The following USP9Y variants were observed in gnomAD, a reference collection of about 807,000 sequenced individuals.
USP9Y encodes the protein ubiquitin specific peptidase 9 Y-linked.
In USP9Y, 41 loss-of-function variants were observed where a neutral mutation model predicts 53.1. That is an observed-to-expected ratio of 0.77 (90% confidence interval 0.60 to 1.00). The LOEUF (loss-of-function observed/expected upper bound fraction) is 1.00, where lower values mean the gene tolerates loss of function less well. Ranked by LOEUF, USP9Y falls within the 50% of genes least tolerant of loss-of-function variation. The pLI, the probability that USP9Y is intolerant of heterozygous loss-of-function variation, is 0.00. For missense variants in USP9Y, 567 were observed against 535.8 expected, an observed-to-expected ratio of 1.06 and a Z score of -0.58; for synonymous variants, 220 against 173.7, an observed-to-expected ratio of 1.27 and a Z score of -2.09.
At chrY:12,833,015 G>GT (rs2053551748) in intron 33 of USP9Y, among the ~76,000 whole-genome samples, 3 of 33,090 alleles carry the variant, frequency 9.1e-5, no homozygotes, top group Non-Finnish European at 2.2e-4. Flanking sequence ...AAAACACAGT[G>GT]TACCACCTTA....
chrY:12,781,198 A>T (rs2053498256), intron 22 of USP9Y, among the ~76,000 whole-genome samples: 1 of 33,937 alleles, frequency 2.9e-5, no homozygotes, highest in Non-Finnish European at 7.3e-5. Context: ...TTTTTACACT[A>T]GTATAAAACT....
intron 12 of USP9Y, among the ~76,000 whole-genome samples, chrY:12,744,078 C>T (rs1031257679): frequency 2.1e-4 from 7 of 33,317 alleles, no homozygotes; most frequent in African/African-American, 3.5e-4. Context: ...AATTAAGGAA[C>T]GTGGACACAA....
Position 12,840,588 on chromosome Y carries a change from A to G in USP9Y, c.6062A>G (p.Asn2021Ser). ...TTTGTGAAAAAACTGCTTACATGTA[A>G]TGGTGTTTATTTAAACCCTGCTCCA... is the stretch of plus-strand genomic sequence containing the variant. ...FQFVKKLLTC[N>S]GVYLNPAPGQ... The change falls in exon 36 of 46, where the codon AAT becomes AGT. Residue 2021 changes from asparagine (N) to serine (S), a missense_variant. By Grantham distance (46) the Asn-to-Ser change is conservative. Coordinates refer to ENST00000338981, the MANE Select transcript of USP9Y (RefSeq NM_004654.4). The G allele has an allele frequency of 2.5e-6, 1 of 396,225 alleles. No individual in the cohort carries two copies.
chrY:12,757,421 A>G, intron 13 of USP9Y, 23 bp downstream of exon 13: 1 of 377,731 alleles, frequency 2.6e-6, no homozygotes, highest in Non-Finnish European at 3.8e-6. Context: ...TTCTTTGTTC[A>G]GTTTTCTGAC....
intron 15 of USP9Y, among the ~76,000 whole-genome samples, chrY:12,767,640 T>G (rs1603198801): frequency 3.3e-5 from 1 of 30,005 alleles, no homozygotes; most frequent in Non-Finnish European, 8.0e-5. Flanking sequence ...GTGTGTGTGT[T>G]TACAATCGTC....
chrY:12,730,953 T>C, intron 7 of USP9Y, among the ~76,000 whole-genome samples: 1 of 33,640 alleles, frequency 3.0e-5, no homozygotes, highest in East Asian at 7.6e-4. Flanking sequence ...TCTGATGTCT[T>C]ACAGCTTTTT....
intron 27 of USP9Y, among the ~76,000 whole-genome samples, chrY:12,806,156 T>A (rs907450368): frequency 6.1e-5 from 2 of 32,599 alleles, no homozygotes; most frequent in Non-Finnish European, 1.5e-4. Context: ...ATTTGTTTTT[T>A]AAAAAAAAAT....
chrY:12,772,764 GAAAAAAAAAAAAAAAA>G (rs2053487102), intron 16 of USP9Y, among the ~76,000 whole-genome samples: 1 of 3,155 alleles, frequency 3.2e-4, no homozygotes, highest in African/African-American at 1.3e-3. Context: ...GAGTCTGTCT[GAAAAAAAAAAAAAAAA>G]AAAAAAAAAA....
At chrY:12,757,156 T>C (rs1292164496) in intron 12 of USP9Y, 36 bp from the exon 13 acceptor site, 1 of 377,687 alleles carries the variant, frequency 2.6e-6, no homozygotes, top group Admixed American at 7.4e-5. Flanking sequence ...CGTAATAAAT[T>C]ATGTGGTATT....
rs778854812 is a variant in USP9Y at position 12,847,308 on chromosome Y, G to A, written c.7045G>A (p.Asp2349Asn). ...DLLFQILLIE[D>N]SWQTHRIHNA... is the part of the protein sequence containing the mutation. ...ACTTTTCCAAATTTTACTGATTGAGGACTCCTGGCAGACTCACAGGTGAAT... is the reference window on the plus strand; with the variant it reads ...ACTTTTCCAAATTTTACTGATTGAGAACTCCTGGCAGACTCACAGGTGAAT... Residue 2349 changes from aspartate to asparagine, a missense_variant, in exon 42 of 46, where the codon GAC becomes AAC. Coordinates refer to ENST00000338981, the MANE Select transcript of USP9Y (RefSeq NM_004654.4). The A allele has an allele frequency of 2.6e-6, 1 of 391,683 alleles. No individual in the cohort carries two copies. The highest frequency in any genetic ancestry group is 3.6e-6 in the Non-Finnish European group (1 of 277,708).
At chrY:12,814,527 C>CAA (rs781072709) in intron 31 of USP9Y, among the ~76,000 whole-genome samples, 1 of 1,302 alleles carries the variant, frequency 7.7e-4, no homozygotes, top group East Asian at 0.017. Flanking sequence ...GACTCCGTCT[C>CAA]AAAAAAAAAA....
chrY:12,713,258 C>T, intron 3 of USP9Y, among the ~76,000 whole-genome samples: 1 of 25,286 alleles, frequency 4.0e-5, no homozygotes, highest in African/African-American at 1.6e-4. Flanking sequence ...TAGTCTCAAA[C>T]TCCTGGACTC....
Position 12,720,670 on chromosome Y carries a change from C to T in USP9Y, c.178C>T (p.Gln60Ter). The change falls in exon 4 of 46, where the codon CAG becomes TAG. Residue 60 changes from glutamine (Q) to a stop codon, truncating the protein, a stop_gained. Coordinates refer to ENST00000338981, the MANE Select transcript of USP9Y (RefSeq NM_004654.4). LOFTEE classifies it high-confidence loss of function. ...ACAAGGGCAAGGTGATGCCCCACCA[C>T]AGCATGAAGATGAAGAGCCTGCATT... is the stretch of plus-strand genomic sequence containing the variant. ...EEQGQGDAPP[Q>*]HEDEEPAFPH... The T allele has an allele frequency of 2.5e-6, 1 of 398,341 alleles. No homozygotes were observed. Among genetic ancestry groups the T allele is most frequent in the Non-Finnish European group, 3.5e-6 (1 of 283,123 alleles).
chrY:12,840,678 A>G, intron 36 of USP9Y, 64 bp downstream of exon 36: 1 of 300,940 alleles, frequency 3.3e-6, no homozygotes, highest in Non-Finnish European at 4.9e-6. Flanking sequence ...AGGATACCTT[A>G]CAGGGCATCA....
intron 1 of USP9Y, among the ~76,000 whole-genome samples, chrY:12,704,687 A>C: frequency 3.0e-5 from 1 of 33,683 alleles, no homozygotes. Flanking sequence ...AAATCTGTTC[A>C]GATTTTCTAA....
chrY:12,778,030 G>A lies in USP9Y; in HGVS notation c.2651G>A (p.Gly884Asp). Residue 884 changes from glycine to aspartate, a missense_variant, in exon 20 of 46, where the codon GGC (glycine) becomes GAC (aspartate). Physicochemically the swap from Gly to Asp is moderately conservative, Grantham distance 94. Transcript: ENST00000338981. ...MILPMSRAFRGKHLSLIVRFP... is the reference protein window; with the variant it reads ...MILPMSRAFRDKHLSLIVRFP... ...TATTTATTTTTCAGAGCATTTCGTG[G>A]CAAACACCTCTCTCTTATAGTTCGG... is the stretch of plus-strand genomic sequence containing the variant. The A allele has an allele frequency of 5.1e-6, 2 of 392,572 alleles. No homozygotes were observed. Among genetic ancestry groups the A allele is most frequent in the Non-Finnish European group, 7.1e-6 (2 of 280,587 alleles).
chrY:12,793,772 T>G (rs2053510807), intron 27 of USP9Y, among the ~76,000 whole-genome samples: 1 of 33,554 alleles, frequency 3.0e-5, no homozygotes, highest in African/African-American at 1.2e-4. Context: ...CCTTTGTGTC[T>G]AGTTTGTTAG....
intron 12 of USP9Y, among the ~76,000 whole-genome samples, chrY:12,740,852 T>C (rs749287439): frequency 3.2e-5 from 1 of 31,117 alleles, no homozygotes; most frequent in Admixed American, 3.0e-4. Context: ...ATTTCTCTCT[T>C]TTTTTTTTCT....
intron 7 of USP9Y, among the ~76,000 whole-genome samples, chrY:12,733,043 C>T (rs2148281336): frequency 3.3e-5 from 1 of 30,299 alleles, no homozygotes; most frequent in South Asian, 7.7e-4. Context: ...CCCCTGGCCC[C>T]GAGTAGCTGG....
Sources: allele counts gnomAD v4.1 joint callset (sites outside exome capture counted in the v4.1 genomes callset), GRCh38; gene constraint gnomAD v4.1.1; transcripts MANE v1.5; gene names NCBI Gene and HGNC (gene_info 2026-07-23, HGNC 2026-07-21).